PDILT: variants seen among roughly 807,000 people sequenced by gnomAD.
PDILT encodes protein disulfide isomerase like, testis expressed.
In PDILT, 43 loss-of-function variants were observed where a neutral mutation model predicts 53.7. That is an observed-to-expected ratio of 0.80 (90% CI 0.63 to 1.03). The LOEUF is 1.03. Among genes scored for constraint, PDILT ranks in the 50% least tolerant of loss-of-function variants. The pLI, the probability that PDILT is intolerant of heterozygous loss-of-function variation, is 0.00. For missense variants in PDILT, 727 were observed against 712.3 expected, an observed-to-expected ratio of 1.02 and a Z score of -0.24; for synonymous variants, 282 against 274.2, an observed-to-expected ratio of 1.03 and a Z score of -0.28.
At chr16:20,394,290 T>G (rs1321408412) in intron 2 of PDILT, among the ~76,000 whole-genome samples, 5 of 152,210 alleles carry the variant, frequency 3.3e-5, no homozygotes, top group Non-Finnish European at 7.3e-5. Flanking sequence ...TGGTTCACTG[T>G]CTGAAAGAGC....
intron 2 of PDILT, among the ~76,000 whole-genome samples, chr16:20,394,338 G>A (rs1414982131): frequency 6.6e-6 from 1 of 152,182 alleles, no homozygotes; most frequent in Non-Finnish European, 1.5e-5. Context: ...GCCCAGCTTT[G>A]AGTTGTTTCT....
At chr16:20,376,585 C>G (rs886242008) in intron 3 of PDILT, among the ~76,000 whole-genome samples, 6 of 152,196 alleles carry the variant, frequency 3.9e-5, no homozygotes, top group African/African-American at 1.2e-4. Context: ...TTCCAGACTT[C>G]TTTTCTTATG....
intron 1 of PDILT, among the ~76,000 whole-genome samples, chr16:20,399,589 T>C (rs1282498974): frequency 6.6e-6 from 1 of 152,060 alleles, no homozygotes; most frequent in Non-Finnish European, 1.5e-5. Context: ...GCCCACTGAC[T>C]TCCCAGCCAC....
At chr16:20,392,186 A>C (rs1209317874) in intron 2 of PDILT, among the ~76,000 whole-genome samples, 1 of 152,168 alleles carries the variant, frequency 6.6e-6, no homozygotes, top group African/African-American at 2.4e-5. Flanking sequence ...GATGGATTAC[A>C]TGTGAGAGTA....
intron 9 of PDILT, 29 bp from the exon 10 acceptor site, chr16:20,362,611 C>T: frequency 1.2e-6 from 2 of 1,610,354 alleles, no homozygotes; most frequent in Non-Finnish European, 1.7e-6. Flanking sequence ...GGCTCAGGCT[C>T]ACATTGATGA....
chr16:20,367,000 C>CTTTA (rs1308840238), intron 8 of PDILT, among the ~76,000 whole-genome samples: 26 of 130,812 alleles, frequency 2.0e-4, no homozygotes, highest in East Asian at 4.3e-4. Flanking sequence ...TTCTTTCTTT[C>CTTTA]TTTATTTATT....
At chr16:20,391,662 T>C (rs968861137) in intron 2 of PDILT, among the ~76,000 whole-genome samples, 1 of 152,096 alleles carries the variant, frequency 6.6e-6, no homozygotes, top group African/African-American at 2.4e-5. Context: ...CCAAGCACAA[T>C]GCTGAATGTT....
intron 2 of PDILT, among the ~76,000 whole-genome samples, chr16:20,387,665 G>C (rs1966557789): frequency 6.6e-6 from 1 of 151,522 alleles, no homozygotes; most frequent in Non-Finnish European, 1.5e-5. Context: ...CTGTCACCCA[G>C]GTTGGAGTAC....
chr16:20,369,145 C>G (rs1966263257), intron 8 of PDILT, among the ~76,000 whole-genome samples: 1 of 152,244 alleles, frequency 6.6e-6, no homozygotes, highest in African/African-American at 2.4e-5. Context: ...CAAGCATCTA[C>G]TCTTGGACCA....
intron 1 of PDILT, among the ~76,000 whole-genome samples, chr16:20,400,054 C>CTATA (rs138618785): frequency 7.2e-5 from 9 of 124,780 alleles, no homozygotes; most frequent in African/African-American, 2.4e-4. Flanking sequence ...ATCTATCTAT[C>CTATA]TATATATATA....
rs750176775 is a variant in PDILT at position 20,362,445 on chromosome 16, G to T, written c.1375C>A (p.Arg459=). ...ANDIQLMYLD[R]YPFFRLFPSG... is the part of the protein sequence containing the mutation. ...GGGAACAGCCTGAAGAATGGGTACC[G>T]GTCCAGGTACATCAGCTGAATGTCA... The change falls in exon 10 of 12, where the codon CGG becomes AGG. Residue 459 remains arginine (R), a synonymous_variant. Coordinates refer to ENST00000302451, the MANE Select transcript of PDILT (RefSeq NM_174924.2). 1 of 1,614,138 alleles carries T rather than the reference G, an allele frequency of 6.2e-7. No homozygotes were observed. Among genetic ancestry groups the T allele is most frequent in the Admixed American group, 1.7e-5 (1 of 60,022 alleles).
intron 8 of PDILT, among the ~76,000 whole-genome samples, chr16:20,366,988 C>A (rs532091606): frequency 0.057 from 4,710 of 83,308 alleles, 336 homozygotes; most frequent in South Asian, 0.13. Context: ...TCCTTCCTTC[C>A]TTTCTTTCTT....
intron 2 of PDILT, among the ~76,000 whole-genome samples, chr16:20,386,647 T>A (rs1966543436): frequency 6.6e-6 from 1 of 152,242 alleles, no homozygotes; most frequent in Non-Finnish European, 1.5e-5. Flanking sequence ...GGGGACTTTG[T>A]GCCTCCCTCC....
intron 3 of PDILT, among the ~76,000 whole-genome samples, chr16:20,378,664 T>C (rs1054628248): frequency 5.3e-5 from 8 of 152,164 alleles, no homozygotes; most frequent in African/African-American, 1.9e-4. Flanking sequence ...CCTGTGTCCA[T>C]GTGTTCTCAT....
chr16:20,376,492 AT>A (rs1202964216), intron 3 of PDILT, among the ~76,000 whole-genome samples: 1 of 152,192 alleles, frequency 6.6e-6, no homozygotes, highest in African/African-American at 2.4e-5. Flanking sequence ...TACTCTCCCC[AT>A]TTTGCAGATG....
Position 20,370,762 on chromosome 16 carries a change from G to A in PDILT, c.919-1073C>T, listed in dbSNP as rs149261486. Among the ~76,000 whole-genome samples, 1,030 of 152,280 alleles carry A rather than the reference G, an allele frequency of 6.8e-3. 11 individuals carry two copies. The highest frequency in any genetic ancestry group is 0.023 in the African/African-American group (976 of 41,546). On this transcript the variant is annotated intron_variant, in intron 7 of 11. Coordinates refer to ENST00000302451, the MANE Select transcript of PDILT (RefSeq NM_174924.2). ...CATAAAGACCTTGCTGATAAAACAG[G>A]TTGTAGTAAAGAAGCCAGCCCAAAC... is the stretch of plus-strand genomic sequence containing the variant.
intron 2 of PDILT, among the ~76,000 whole-genome samples, chr16:20,394,820 G>T (rs1966643318): frequency 6.6e-6 from 1 of 152,192 alleles, no homozygotes; most frequent in African/African-American, 2.4e-5. Flanking sequence ...TAGGCCCTAA[G>T]GGGTGGCTGA....
intron 3 of PDILT, among the ~76,000 whole-genome samples, chr16:20,376,874 G>A (rs1966395642): frequency 1.3e-5 from 2 of 152,236 alleles, no homozygotes; most frequent in Non-Finnish European, 2.9e-5. Context: ...AGAAGGTACA[G>A]AAGGCTATAC....
intron 3 of PDILT, 124 bp from the exon 4 acceptor site, chr16:20,376,325 C>A: frequency 8.9e-7 from 1 of 1,127,290 alleles, no homozygotes. Context: ...CCTTGAAGGC[C>A]AAAGTCAGTT....
Sources: allele counts gnomAD v4.1 joint callset (sites outside exome capture counted in the v4.1 genomes callset), GRCh38; gene constraint gnomAD v4.1.1; transcripts MANE v1.5; gene names NCBI Gene and HGNC (gene_info 2026-07-23, HGNC 2026-07-21).